The following NCALD variants were observed in gnomAD, a reference collection of about 807,000 sequenced individuals.
NCALD encodes the protein neurocalcin-delta.
A neutral mutation model predicts 18.6 loss-of-function variants in NCALD; 10 were observed. The ratio of observed to expected loss-of-function variants is 0.54; its 90% CI spans 0.33 to 0.91. The LOEUF (loss-of-function observed/expected upper bound fraction) is 0.91, where lower values mean the gene tolerates loss of function less well. Among genes scored for constraint, NCALD ranks in the 40% least tolerant of loss-of-function variants. The pLI is 0.03. For synonymous variants in NCALD, 88 were observed against 87.4 expected (o/e 1.01, Z -0.04); for missense variants, 184 against 247.6 (o/e 0.74, Z 1.72).
intron 2 of NCALD, among the ~76,000 whole-genome samples, chr8:101,948,904 C>T (rs534963385): frequency 2.0e-5 from 3 of 152,106 alleles, no homozygotes; most frequent in South Asian, 2.1e-4. Flanking sequence ...GTAGAATCTG[C>T]CTTATAGAGT....
At chr8:101,994,863 G>A (rs1029383881) in intron 2 of NCALD, among the ~76,000 whole-genome samples, 5 of 152,180 alleles carry the variant, frequency 3.3e-5, no homozygotes, top group Non-Finnish European at 7.4e-5. Context: ...CTCTTAGCTG[G>A]GTGACCTTGA....
intron 1 of NCALD, among the ~76,000 whole-genome samples, chr8:102,118,086 C>T (rs1825843243): frequency 6.6e-6 from 1 of 152,222 alleles, no homozygotes; most frequent in Admixed American, 6.5e-5. Flanking sequence ...ACAAGATAGT[C>T]CCACATCAAC....
chr8:102,033,711 T>C (rs1446921743), intron 1 of NCALD, among the ~76,000 whole-genome samples: 1 of 152,104 alleles, frequency 6.6e-6, no homozygotes. Context: ...AATGGAGGCA[T>C]TAAGAAAGAT....
At chr8:101,990,679 G>C (rs922656899) in intron 2 of NCALD, among the ~76,000 whole-genome samples, 3 of 152,164 alleles carry the variant, frequency 2.0e-5, no homozygotes, top group Non-Finnish European at 4.4e-5. Flanking sequence ...CCACGATTGT[G>C]AGGCCTCCAT....
chr8:101,798,320 G>A (rs1323348749), intron 4 of NCALD, among the ~76,000 whole-genome samples: 1 of 152,112 alleles, frequency 6.6e-6, no homozygotes, highest in African/African-American at 2.4e-5. Context: ...AAAGATCACA[G>A]GATACAAGAT....
intron 1 of NCALD, among the ~76,000 whole-genome samples, chr8:102,107,174 T>C (rs115273085): frequency 0.018 from 2,537 of 140,978 alleles, 141 homozygotes; most frequent in African/African-American, 0.062. Flanking sequence ...ATTATTTATC[T>C]ACAGCCTATA....
intron 2 of NCALD, among the ~76,000 whole-genome samples, chr8:101,932,089 T>C (rs1818596807): frequency 1.3e-5 from 2 of 152,120 alleles, no homozygotes; most frequent in Non-Finnish European, 2.9e-5. Flanking sequence ...ACCCCTCTGT[T>C]TTCAGTGGCA....
chr8:102,031,662 G>A (rs1237945283), intron 1 of NCALD, among the ~76,000 whole-genome samples: 1 of 152,080 alleles, frequency 6.6e-6, no homozygotes, highest in African/African-American at 2.4e-5. Context: ...AAATCTGATC[G>A]TTTTCAGAAG....
At chr8:102,032,012 A>G (rs1351836507) in intron 1 of NCALD, among the ~76,000 whole-genome samples, 1 of 151,954 alleles carries the variant, frequency 6.6e-6, no homozygotes, top group Non-Finnish European at 1.5e-5. Context: ...ACAGCTGCTG[A>G]TTTTTCCCCT....
intron 1 of NCALD, among the ~76,000 whole-genome samples, chr8:101,725,903 T>G (rs1176140187): frequency 6.6e-6 from 1 of 152,122 alleles, no homozygotes; most frequent in Non-Finnish European, 1.5e-5. Context: ...AGAAGGGAGT[T>G]GTGGAATGCC....
intron 2 of NCALD, among the ~76,000 whole-genome samples, chr8:102,000,485 C>G (rs553941800): frequency 7.7e-4 from 117 of 152,212 alleles, no homozygotes; most frequent in Non-Finnish European, 1.2e-3. Flanking sequence ...GCAGCAGAAA[C>G]CTCTGCAGAC....
At chr8:101,805,993 A>G (rs1813087502) in intron 4 of NCALD, among the ~76,000 whole-genome samples, 1 of 152,320 alleles carries the variant, frequency 6.6e-6, no homozygotes, top group Admixed American at 6.5e-5. Context: ...TGGGTGTGAT[A>G]TCAAATGAAG....
intron 4 of NCALD, among the ~76,000 whole-genome samples, chr8:101,835,784 A>G (rs1814388170): frequency 6.6e-6 from 1 of 150,472 alleles, no homozygotes; most frequent in African/African-American, 2.5e-5. Context: ...TCCCTGACTC[A>G]GTAGCTACTT....
In NCALD at chr8:101,814,854, C is replaced by T. The variant is rs548474778; in HGVS notation, c.-20+72287G>A. Among the ~76,000 whole-genome samples, 4 of 152,118 alleles carry T rather than the reference C, an allele frequency of 2.6e-5. No homozygotes were observed. The East Asian group carries it at 7.7e-4, about 29-fold the overall frequency. ...CAATACCATTTACATTGGCATCCTC[C>T]AAAGTGAAATACTTAGGTATTTCTA... is the stretch of plus-strand genomic sequence containing the variant. On this transcript the variant is annotated intron_variant, in intron 4 of 6. Coordinates refer to the NCALD transcript ENST00000311028.
At position 101,909,007 on chromosome 8, in the gene NCALD, C is replaced by T. The variant is rs1285310720; in HGVS notation, c.-107+6802G>A. ...AACCAATCAGAAGAGGCCCAGTTTA[C>T]CTGAGCCAACATAATAAAGAAGTCC... On this transcript the variant is annotated intron_variant, in intron 3 of 6. Transcript: ENST00000311028. Among the ~76,000 whole-genome samples the T allele has an allele frequency of 2.0e-5, 3 of 152,206 alleles. No homozygotes were observed. The South Asian group carries it at 6.2e-4, about 32-fold the overall frequency.
intron 1 of NCALD, among the ~76,000 whole-genome samples, chr8:101,756,871 CT>C (rs894828175): frequency 6.6e-6 from 1 of 152,162 alleles, no homozygotes; most frequent in African/African-American, 2.4e-5. Context: ...AATTGACTGA[CT>C]TTTTCACCTG....
chr8:102,099,082 T>C (rs903529910), intron 1 of NCALD, among the ~76,000 whole-genome samples: 1 of 152,206 alleles, frequency 6.6e-6, no homozygotes, highest in Non-Finnish European at 1.5e-5. Context: ...GTAGAAAGTG[T>C]GAGAAAGACA....
At chr8:101,751,104 C>T (rs901527209) in intron 1 of NCALD, among the ~76,000 whole-genome samples, 1 of 152,134 alleles carries the variant, frequency 6.6e-6, no homozygotes, top group Admixed American at 6.5e-5. Context: ...AGTTCATCAA[C>T]AGATGAATGG....
chr8:102,090,603 T>C (rs1824894145), intron 1 of NCALD, among the ~76,000 whole-genome samples: 1 of 152,206 alleles, frequency 6.6e-6, no homozygotes, highest in Non-Finnish European at 1.5e-5. Context: ...CTTTTTTGCT[T>C]AAAACGTTGC....
Sources: gnomAD v4.1 joint callset for allele counts (sites outside exome capture counted in the v4.1 genomes callset) on GRCh38, gnomAD v4.1.1 for gene constraint, MANE v1.5 for transcripts, NCBI Gene and HGNC (gene_info 2026-07-23, HGNC 2026-07-21) for gene names.